FYB2: variants seen among roughly 807,000 people sequenced by gnomAD.
FYB2 encodes the protein FYN binding protein 2, also known as FYN-binding protein 2.
FYB2 carries 103 observed loss-of-function variants against 94.1 expected under a neutral mutation model. The ratio of observed to expected loss-of-function variants is 1.09; its 90% confidence interval spans 0.93 to 1.29. The LOEUF (loss-of-function observed/expected upper bound fraction) is 1.29, where lower values mean the gene tolerates loss of function less well. Ranked by LOEUF, FYB2 falls within the 50% of genes most tolerant of loss-of-function variation. The pLI, the probability that FYB2 is intolerant of heterozygous loss-of-function variation, is 0.00. For synonymous variants in FYB2, 293 were observed against 287.9 expected, an observed-to-expected ratio of 1.02 and a Z score of -0.18; for missense variants, 896 against 841.5, an observed-to-expected ratio of 1.06 and a Z score of -0.80.
chr1:56,767,426 C>T (rs553554521), intron 5 of FYB2, among the ~76,000 whole-genome samples: 7 of 152,150 alleles, frequency 4.6e-5, no homozygotes, highest in Admixed American at 1.3e-4. Flanking sequence ...GGTCTGTTAT[C>T]TCACTCTCCA....
Position 56,767,983 on chromosome 1 carries a change from T to C in FYB2, c.954-45A>G, listed in dbSNP as rs746026509. On this transcript the variant is annotated intron_variant, in intron 4 of 19. Transcript: ENST00000343433. ...TTAAAATGTAACATTTTTAAAAACA[T>C]ATTTTGAAAGCTTTTTGTATTTTTT... 5.7e-6 allele frequency: 8 copies of C among 1,413,766 alleles called. No individual in the cohort carries two copies. In the South Asian group the frequency reaches 8.6e-5, roughly 15 times the overall value. The allele number at this position is 1,413,766 out of a possible 1,614,324, so 87.6% of individuals were successfully genotyped here.
intron 1 of FYB2, among the ~76,000 whole-genome samples, chr1:56,797,317 A>G (rs1359026248): frequency 6.6e-6 from 1 of 152,192 alleles, no homozygotes; most frequent in Non-Finnish European, 1.5e-5. Context: ...ACAGTGGGTG[A>G]GGAACTACTG....
At position 56,766,000 on chromosome 1, in the gene FYB2, G is replaced by T. The variant is rs185002503; in HGVS notation, c.1063+1829C>A. Among the ~76,000 whole-genome samples the T allele has an allele frequency of 1.7e-3, 255 of 152,244 alleles. 1 individual carries two copies. Among genetic ancestry groups the T allele is most frequent in the Non-Finnish European group, 2.8e-3 (193 of 68,018 alleles). Reference sequence around the variant, plus strand: ...CGTGGTCCAGAGAGAGAAGGAGCAGGCTCTGATTGGAGCATCCATTTGGCT... The same window carrying T: ...CGTGGTCCAGAGAGAGAAGGAGCAGTCTCTGATTGGAGCATCCATTTGGCT... On this transcript the variant is annotated intron_variant, in intron 5 of 19. Transcript: ENST00000343433.
intron 4 of FYB2, among the ~76,000 whole-genome samples, chr1:56,774,288 C>T (rs1645825440): frequency 6.6e-6 from 1 of 152,036 alleles, no homozygotes; most frequent in South Asian, 2.1e-4. Context: ...GGTGGTTCGA[C>T]CTAAGTCTCT....
At position 56,743,212 on chromosome 1, in the gene FYB2, T is replaced by C. The variant is rs114283771; in HGVS notation, c.1543+814A>G. Among the ~76,000 whole-genome samples the C allele has an allele frequency of 5.7e-3, 864 of 152,198 alleles. 4 individuals are homozygous for C. Among genetic ancestry groups the C allele is most frequent in the Non-Finnish European group, 7.9e-3 (540 of 67,970 alleles). ...CCTTTGACCAATACCTCCCCATTAC[T>C]TTTTCATTCATGAATTCCTTCATTC... On this transcript the variant is annotated intron_variant, in intron 11 of 19. Coordinates refer to ENST00000343433, the MANE Select transcript of FYB2 (RefSeq NM_001004303.5).
chr1:56,755,094 C>T (rs966453611), intron 7 of FYB2, among the ~76,000 whole-genome samples: 1 of 152,042 alleles, frequency 6.6e-6, no homozygotes, highest in Non-Finnish European at 1.5e-5. Flanking sequence ...ATTAGAATAA[C>T]TCCAGGGAGA....
At chr1:56,812,020 G>T (rs1013709140) in intron 1 of FYB2, among the ~76,000 whole-genome samples, 2 of 152,078 alleles carry the variant, frequency 1.3e-5, no homozygotes, top group Admixed American at 1.3e-4. Context: ...AGGGTAGAGG[G>T]CTCAGAAAGT....
At chr1:56,820,829 T>C (rs1646982706), upstream of FYB2, among the ~76,000 whole-genome samples, 9 of 152,192 alleles carry the variant, frequency 5.9e-5, no homozygotes, top group Admixed American at 5.9e-4. Flanking sequence ...TCAACACACA[T>C]ACACATCAGC....
chr1:56,825,545 A>G, the FYB2 span, among the ~76,000 whole-genome samples: 2 of 152,154 alleles, frequency 1.3e-5, no homozygotes, highest in Non-Finnish European at 2.9e-5. Flanking sequence ...AATTCACACT[A>G]TTCTCACCCT....
At chr1:56,764,579 A>T (rs1645578123) in intron 5 of FYB2, among the ~76,000 whole-genome samples, 1 of 148,702 alleles carries the variant, frequency 6.7e-6, no homozygotes, top group Non-Finnish European at 1.5e-5. Flanking sequence ...CTCTTTCTCT[A>T]TAGAGACATT....
chr1:56,826,527 C>A, the FYB2 span: 3 of 152,428 alleles, frequency 2.0e-5, no homozygotes, highest in African/African-American at 7.2e-5. Context: ...CCCATTTTCT[C>A]TACCTGGAAT....
At chr1:56,802,158 C>T (rs930167944) in intron 1 of FYB2, among the ~76,000 whole-genome samples, 25 of 152,124 alleles carry the variant, frequency 1.6e-4, no homozygotes, top group African/African-American at 5.3e-4. Flanking sequence ...GGCTTCTTCC[C>T]CATCTGGAAC....
At chr1:56,780,989 C>T (rs1774822) in intron 4 of FYB2, among the ~76,000 whole-genome samples, 73,474 of 152,000 alleles carry the variant, frequency 0.48, 18,014 homozygotes, top group Middle Eastern at 0.54. Context: ...CGTGCTGGGA[C>T]TTCCTGGCCT....
At position 56,805,718 on chromosome 1, in the gene FYB2, T is replaced by A. The variant is rs1355111654; in HGVS notation, c.10-12915A>T. Among the ~76,000 whole-genome samples, 3 of 152,178 alleles carry A rather than the reference T, an allele frequency of 2.0e-5. No individual in the cohort carries two copies. In the East Asian group the frequency reaches 5.8e-4, roughly 29 times the overall value. ...TTGAATCACGGGGGCAAATCTTTCC[T>A]GTGCTGCTCTCATGATAGTGAATAA... On this transcript the variant is annotated intron_variant, in intron 1 of 19. Transcript: ENST00000343433.
rs1645663902 is a variant in FYB2, at chr1:56,767,933, A to G, written c.959T>C (p.Phe320Ser). ...ATGTGGTTCTTCAAATTCTGCATTGAAAAGCCTGGAGAAAAAAGGGTTACT... is the reference window on the plus strand; with the variant it reads ...ATGTGGTTCTTCAAATTCTGCATTGGAAAGCCTGGAGAAAAAAGGGTTACT... ...EEGSLSPERL[F>S]NAEFEEPHNY... The change falls in exon 5 of 20, where the codon TTC becomes TCC. Residue 320 changes from phenylalanine (F) to serine (S), a missense_variant. Transcript: ENST00000343433. 2.5e-6 allele frequency: 4 copies of G among 1,589,212 alleles called. No individual in the cohort carries two copies. The highest frequency in any genetic ancestry group is 3.4e-6 in the Non-Finnish European group (4 of 1,169,202).
intron 11 of FYB2, among the ~76,000 whole-genome samples, chr1:56,743,639 G>C (rs1340307668): frequency 6.6e-6 from 1 of 152,028 alleles, no homozygotes; most frequent in African/African-American, 2.4e-5. Context: ...GTGAGATGAG[G>C]CTCCAGAGGT....
chr1:56,805,857 T>C (rs12036360), intron 1 of FYB2, among the ~76,000 whole-genome samples: 5 of 152,186 alleles, frequency 3.3e-5, no homozygotes, highest in African/African-American at 4.8e-5. Context: ...CCTTCTGCCA[T>C]GATTGTGAGG....
At chr1:56,824,266 C>T (rs41285930), upstream of FYB2, 2,889 of 152,428 alleles carry the variant, frequency 0.019, 46 homozygotes, top group Admixed American at 0.057. Flanking sequence ...TTTTGTGTCT[C>T]GTGAGGGCCA....
chr1:56,818,006 A>C (rs1056102413), intron 1 of FYB2, among the ~76,000 whole-genome samples: 1 of 152,206 alleles, frequency 6.6e-6, no homozygotes, highest in Non-Finnish European at 1.5e-5. Flanking sequence ...CATAGACCAC[A>C]CTGTATTGTC....
Sources: gnomAD v4.1 joint callset for allele counts (sites outside exome capture counted in the v4.1 genomes callset) on GRCh38, gnomAD v4.1.1 for gene constraint, MANE v1.5 for transcripts, NCBI Gene and HGNC (gene_info 2026-07-23, HGNC 2026-07-21) for gene names.